NR6A1: variants seen among roughly 807,000 people sequenced by gnomAD.
NR6A1 encodes retinoic acid receptor-related testis-associated receptor.
NR6A1 carries 7 observed loss-of-function variants against 59.1 expected under a neutral mutation model. The ratio of observed to expected loss-of-function variants is 0.12; its 90% confidence interval spans 0.07 to 0.22. The LOEUF (loss-of-function observed/expected upper bound fraction) is 0.22, where lower values mean the gene tolerates loss of function less well. NR6A1 is among the 10% of genes least tolerant of loss of function. The probability of loss-of-function intolerance (pLI) is 1.00; values close to 1 mark genes in which losing one functional copy is unlikely to be tolerated. For synonymous variants in NR6A1, 243 were observed against 236.1 expected (o/e 1.03, Z -0.27); for missense variants, 468 against 611.6 (o/e 0.77, Z 2.48).
chr9:124,675,180 C>T (rs1588770184), intron 2 of NR6A1, among the ~76,000 whole-genome samples: 1 of 152,180 alleles, frequency 6.6e-6, no homozygotes, highest in South Asian at 2.1e-4. Context: ...AAAGGAAATC[C>T]TATGCTTGTT....
rs1835456169 is a variant in NR6A1 at position 124,601,644 on chromosome 9, C to T, written c.143-47074G>A. Among the ~76,000 whole-genome samples the T allele has an allele frequency of 2.0e-5, 3 of 147,148 alleles. 1 individual carries two copies. The highest frequency in any genetic ancestry group is 4.4e-4 in the South Asian group (2 of 4,574). Reference sequence around the variant, plus strand: ...AAGAAAAAAAAAGACTATATATAGACTATATATATAAAGCATATATAGAGT... The same window carrying T: ...AAGAAAAAAAAAGACTATATATAGATTATATATATAAAGCATATATAGAGT... On this transcript the variant is annotated intron_variant, in intron 2 of 9. Coordinates refer to ENST00000487099, the MANE Select transcript of NR6A1 (RefSeq NM_033334.4).
intron 2 of NR6A1, among the ~76,000 whole-genome samples, chr9:124,654,477 T>G (rs1159015694): frequency 6.6e-6 from 1 of 152,196 alleles, no homozygotes; most frequent in East Asian, 1.9e-4. Context: ...TTAGCCATAC[T>G]ACCCTTTTGG....
At chr9:124,628,769 T>C (rs2130876055) in intron 2 of NR6A1, among the ~76,000 whole-genome samples, 1 of 152,184 alleles carries the variant, frequency 6.6e-6, no homozygotes, top group Middle Eastern at 3.4e-3. Flanking sequence ...GTCTCCTGAG[T>C]AGCTGGGACT....
chr9:124,624,445 C>T (rs1225313605), intron 2 of NR6A1, among the ~76,000 whole-genome samples: 1 of 152,158 alleles, frequency 6.6e-6, no homozygotes, highest in East Asian at 1.9e-4. Context: ...TTCATTCTCC[C>T]TCTGAATGGG....
At chr9:124,585,558 A>AGGG (rs1159676111) in intron 2 of NR6A1, among the ~76,000 whole-genome samples, 11 of 27,618 alleles carry the variant, frequency 4.0e-4, no homozygotes, top group African/African-American at 1.7e-3. Context: ...AAAAAAAAAA[A>AGGG]GGGGGGGGGG....
chr9:124,559,395 G>A (rs1834016581), intron 2 of NR6A1, among the ~76,000 whole-genome samples: 1 of 152,158 alleles, frequency 6.6e-6, no homozygotes, highest in East Asian at 1.9e-4. Context: ...TTCCCGCACT[G>A]CCCTGAATAA....
chr9:124,735,838 G>A (rs924777228), intron 1 of NR6A1, among the ~76,000 whole-genome samples: 2 of 152,162 alleles, frequency 1.3e-5, no homozygotes, highest in Non-Finnish European at 2.9e-5. Flanking sequence ...TTCACAGATG[G>A]TACCTTATCA....
intron 2 of NR6A1, among the ~76,000 whole-genome samples, chr9:124,632,399 A>G (rs1049762513): frequency 3.9e-5 from 6 of 152,322 alleles, no homozygotes; most frequent in African/African-American, 1.4e-4. Context: ...GGTTTTGACT[A>G]ACATTTCTCT....
intron 9 of NR6A1, among the ~76,000 whole-genome samples, chr9:124,523,651 G>A (rs1229788501): frequency 6.6e-6 from 1 of 151,848 alleles, no homozygotes; most frequent in Non-Finnish European, 1.5e-5. Context: ...AATATCTCAT[G>A]TGGTAAACTC....
At chr9:124,715,541 A>C (rs1211003716) in intron 2 of NR6A1, among the ~76,000 whole-genome samples, 1 of 152,098 alleles carries the variant, frequency 6.6e-6, no homozygotes, top group African/African-American at 2.4e-5. Flanking sequence ...GTCTCTAAAA[A>C]ACAAAATAAA....
chr9:124,567,001 G>A (rs1038539784), intron 2 of NR6A1, among the ~76,000 whole-genome samples: 23 of 151,086 alleles, frequency 1.5e-4, no homozygotes, highest in Admixed American at 1.5e-3. Context: ...CCAGCTACTT[G>A]GGAGGCTGAG....
intron 2 of NR6A1, among the ~76,000 whole-genome samples, chr9:124,649,741 C>G (rs114857032): frequency 6.6e-6 from 1 of 151,928 alleles, no homozygotes; most frequent in African/African-American, 2.4e-5. Context: ...ATACACGGAA[C>G]TCAATAGCAA....
At chr9:124,705,706 CTTT>C (rs1296613307) in intron 2 of NR6A1, among the ~76,000 whole-genome samples, 1 of 151,256 alleles carries the variant, frequency 6.6e-6, no homozygotes, top group Admixed American at 6.6e-5. Flanking sequence ...CTATTTTTGT[CTTT>C]TTTTTAACCT....
chr9:124,739,354 A>T (rs571864278), intron 1 of NR6A1, among the ~76,000 whole-genome samples: 1 of 152,326 alleles, frequency 6.6e-6, no homozygotes, highest in East Asian at 1.9e-4. Flanking sequence ...AATATATGTA[A>T]ATCATCTACT....
chr9:124,769,598 T>C (rs1841049082), intron 1 of NR6A1, among the ~76,000 whole-genome samples: 1 of 152,242 alleles, frequency 6.6e-6, no homozygotes, highest in Non-Finnish European at 1.5e-5. Context: ...GTGTTTGCAT[T>C]CAATTTGAAA....
intron 2 of NR6A1, among the ~76,000 whole-genome samples, chr9:124,688,087 C>T (rs995255473): frequency 2.0e-5 from 3 of 152,100 alleles, no homozygotes; most frequent in Admixed American, 6.5e-5. Context: ...TTTGGGAGGC[C>T]TAGGTGGGAG....
At chr9:124,713,398 C>T (rs1057039982) in intron 2 of NR6A1, among the ~76,000 whole-genome samples, 2 of 151,766 alleles carry the variant, frequency 1.3e-5, no homozygotes, top group Admixed American at 6.6e-5. Flanking sequence ...AAAAACTGCT[C>T]GATAACATGA....
At chr9:124,604,200 T>C (rs1446471480) in intron 2 of NR6A1, among the ~76,000 whole-genome samples, 1 of 152,148 alleles carries the variant, frequency 6.6e-6, no homozygotes, top group Non-Finnish European at 1.5e-5. Flanking sequence ...ACTGCTCCCC[T>C]GAATCTCACA....
chr9:124,769,689 T>A (rs564593256), intron 1 of NR6A1, among the ~76,000 whole-genome samples: 81 of 152,242 alleles, frequency 5.3e-4, no homozygotes, highest in African/African-American at 1.9e-3. Flanking sequence ...GAGGAGGCAC[T>A]GATCTCTGAG....
Sources: gnomAD v4.1 joint callset for allele counts (sites outside exome capture counted in the v4.1 genomes callset) on GRCh38, gnomAD v4.1.1 for gene constraint, MANE v1.5 for transcripts, NCBI Gene and HGNC (gene_info 2026-07-23, HGNC 2026-07-21) for gene names.